Variants in ERCC6 observed in about 807,000 individuals in gnomAD.
ERCC6 encodes the protein ERCC excision repair 6, chromatin remodeling factor, also known as DNA excision repair protein ERCC-6.
Under a neutral mutation model 158.7 loss-of-function variants are expected in ERCC6, and 116 were observed. That is an observed-to-expected ratio of 0.73 (90% CI 0.63 to 0.85). The LOEUF (loss-of-function observed/expected upper bound fraction) is 0.85, where lower values mean the gene tolerates loss of function less well. Ranked by LOEUF, ERCC6 falls within the 40% of genes least tolerant of loss-of-function variation. The pLI is 0.00. For missense variants in ERCC6, 1,698 were observed against 1,799.4 expected, an observed-to-expected ratio of 0.94 and a Z score of 1.02; for synonymous variants, 678 against 659.3, an observed-to-expected ratio of 1.03 and a Z score of -0.43.
intron 20 of ERCC6, chr10:49,459,895 C>A (rs1429452765): frequency 1.0e-5 from 2 of 193,262 alleles, no homozygotes; most frequent in Non-Finnish European, 1.1e-5. Flanking sequence ...AGAAAGACTT[C>A]CACTGAATGG....
downstream of ERCC6, among the ~76,000 whole-genome samples, chr10:49,451,114 CTGA>C (rs1850415820): frequency 6.6e-6 from 1 of 151,484 alleles, no homozygotes; most frequent in African/African-American, 2.4e-5. Flanking sequence ...CCCGGCCCAA[CTGA>C]TTTTTAAATA....
chr10:49,449,558 GTCTTTTTTTTTTTTT>G (rs974252757), downstream of ERCC6, among the ~76,000 whole-genome samples: 1 of 105,160 alleles, frequency 9.5e-6, no homozygotes, highest in African/African-American at 4.0e-5. Context: ...TGATAGTTAG[GTCTTTTTTTTTTTTT>G]TTTTTTTTTT....
At chr10:49,530,021 C>T (rs577853718) in intron 3 of ERCC6, among the ~76,000 whole-genome samples, 4 of 152,066 alleles carry the variant, frequency 2.6e-5, no homozygotes, top group Admixed American at 1.3e-4. Flanking sequence ...GCCAAGCTCT[C>T]GCAACTGTCA....
intron 7 of ERCC6, among the ~76,000 whole-genome samples, chr10:49,493,955 C>G (rs112798847): frequency 5.0e-4 from 76 of 152,328 alleles, no homozygotes; most frequent in African/African-American, 1.7e-3. Flanking sequence ...GCAGGTAGTT[C>G]GGCAGCAAAA....
At position 49,480,340 on chromosome 10, in the gene ERCC6, G is replaced by T. The variant is rs191940241; in HGVS notation, c.2170-1870C>A. 6.5e-4 allele frequency among the ~76,000 whole-genome samples: 99 copies of T among 152,232 alleles called. 1 individual carries two copies. The highest frequency in any genetic ancestry group is 3.4e-3 in the Middle Eastern group (1 of 294). On this transcript the variant is annotated intron_variant, in intron 10 of 20. Transcript: ENST00000355832. ...TTTTCCCCTGTGCCCACCCCTACTGGACTGGAAATACCTTCATGGGAAGGT... is the reference window on the plus strand; with the variant it reads ...TTTTCCCCTGTGCCCACCCCTACTGTACTGGAAATACCTTCATGGGAAGGT...
At chr10:49,503,782 G>GA (rs1339152104) in intron 6 of ERCC6, 6 of 152,146 alleles carry the variant, frequency 3.9e-5, no homozygotes, top group East Asian at 3.9e-4. Flanking sequence ...ACTCTTTAGG[G>GA]ACAGTTAAAG....
At chr10:49,445,589 A>G in the ERCC6 span, among the ~76,000 whole-genome samples, 3 of 152,242 alleles carry the variant, frequency 2.0e-5, no homozygotes, top group Non-Finnish European at 1.5e-5. Context: ...AAATTAAAAA[A>G]TGTAATGGTT....
At chr10:49,436,214 T>C in the ERCC6 span, among the ~76,000 whole-genome samples, 8 of 152,268 alleles carry the variant, frequency 5.3e-5, no homozygotes, top group African/African-American at 1.9e-4. Flanking sequence ...CTGGATTAAG[T>C]ACTTAAATGA....
intron 7 of ERCC6, among the ~76,000 whole-genome samples, chr10:49,494,320 A>G (rs1851228180): frequency 6.6e-6 from 1 of 152,266 alleles, no homozygotes; most frequent in South Asian, 2.1e-4. Flanking sequence ...TGCTTAGAAC[A>G]GGACCATATA....
chr10:49,436,113 C>T, the ERCC6 span, among the ~76,000 whole-genome samples: 1 of 151,266 alleles, frequency 6.6e-6, no homozygotes, highest in Non-Finnish European at 1.5e-5. Context: ...CCAAAGCCAC[C>T]AAAGGAAGAA....
rs2132523427 is a variant in ERCC6, at chr10:49,458,848, T to C, written c.4449A>G (p.Glu1483=). The change falls in exon 21 of 21, where the codon GAA becomes GAG. Residue 1483 remains glutamate (E), a synonymous_variant. Transcript: ENST00000355832. ...ATTCTGGCTTGAGTTTCCAAATTCC[T>C]TCACCACCAGAAGTTCTATGGAAAG... ...LCTFHRTSGG[E]GIWKLKPEYC 6.2e-7 allele frequency: 1 copy of C among 1,614,224 alleles called. No individual in the cohort carries two copies. The highest frequency in any genetic ancestry group is 1.1e-5 in the South Asian group (1 of 91,086).
intron 8 of ERCC6, among the ~76,000 whole-genome samples, chr10:49,489,967 T>C (rs113763776): frequency 4.4e-4 from 67 of 152,358 alleles, no homozygotes; most frequent in African/African-American, 1.5e-3. Flanking sequence ...TGTTTATTGT[T>C]GTTTTAACAA....
intron 1 of ERCC6, 60 bp from the exon 2 acceptor site, chr10:49,533,038 T>C: frequency 6.5e-7 from 1 of 1,547,078 alleles, no homozygotes. Context: ...AGTTCTTAAA[T>C]ATTTTATAAT....
intron 5 of ERCC6, among the ~76,000 whole-genome samples, chr10:49,510,712 T>C (rs539249237): frequency 1.4e-4 from 22 of 152,256 alleles, no homozygotes; most frequent in African/African-American, 5.1e-4. Flanking sequence ...GACCGTTAAG[T>C]GCTGAATGAA....
intron 12 of ERCC6, chr10:49,475,417 G>C: frequency 2.2e-6 from 1 of 452,074 alleles, no homozygotes; most frequent in Non-Finnish European, 4.5e-6. Context: ...GTGTGATCTA[G>C]ACCCCCTAAC....
chr10:49,516,680 A>T, intron 5 of ERCC6: 1 of 1,614,166 alleles, frequency 6.2e-7, no homozygotes, highest in South Asian at 1.1e-5. Flanking sequence ...AAAGTTCAAG[A>T]ATTTCTGTGG....
chr10:49,474,245 G>A lies in ERCC6; in HGVS notation c.2383-3C>T. 2 of 1,612,592 alleles carry A rather than the reference G, an allele frequency of 1.2e-6. No homozygotes were observed. The highest frequency in any genetic ancestry group is 1.3e-5 in the African/African-American group (1 of 75,008). On this transcript the variant is annotated splice_polypyrimidine_tract_variant and splice_region_variant and intron_variant, in intron 12 of 20. Coordinates refer to ENST00000355832, the MANE Select transcript of ERCC6 (RefSeq NM_000124.4). ...AGGGCTATAAGTCCGGAGAAAATCTGTGGTAAGAAAGAGTACATGTACACT... is the reference window on the plus strand; with the variant it reads ...AGGGCTATAAGTCCGGAGAAAATCTATGGTAAGAAAGAGTACATGTACACT...
At chr10:49,516,105 T>C (rs368328801) in intron 5 of ERCC6, 1 of 1,614,012 alleles carries the variant, frequency 6.2e-7, no homozygotes, top group African/African-American at 1.3e-5. Context: ...TGTAAGTGCC[T>C]CACTAAACTG....
chr10:49,534,119 G>C (rs1732982929), intron 1 of ERCC6, among the ~76,000 whole-genome samples: 1 of 115,480 alleles, frequency 8.7e-6, no homozygotes, highest in Non-Finnish European at 1.7e-5. Flanking sequence ...AGGCAACAGA[G>C]TGAGACTCAA....
Sources: gnomAD v4.1 joint callset for allele counts (sites outside exome capture counted in the v4.1 genomes callset) on GRCh38, gnomAD v4.1.1 for gene constraint, MANE v1.5 for transcripts, NCBI Gene and HGNC (gene_info 2026-07-23, HGNC 2026-07-21) for gene names.